The following PRKCE variants were observed in gnomAD, a reference collection of about 807,000 sequenced individuals.
The protein encoded by PRKCE is protein kinase C epsilon type.
Under a neutral mutation model 85.4 loss-of-function variants are expected in PRKCE, and 16 were observed. The ratio of observed to expected loss-of-function variants is 0.19; its 90% CI spans 0.13 to 0.28. The LOEUF (loss-of-function observed/expected upper bound fraction) is 0.28, where lower values mean the gene tolerates loss of function less well. Among genes scored for constraint, PRKCE ranks in the 10% least tolerant of loss-of-function variants. The pLI is 1.00. For missense variants in PRKCE, 573 were observed against 975.2 expected (o/e 0.59, Z 5.49); for synonymous variants, 388 against 371.5 (o/e 1.04, Z -0.51).
At chr2:45,865,517 C>T (rs1573661093) in intron 2 of PRKCE, among the ~76,000 whole-genome samples, 1 of 152,122 alleles carries the variant, frequency 6.6e-6, no homozygotes, top group South Asian at 2.1e-4. Flanking sequence ...GAATATGTCC[C>T]CTCCAAAATT....
At chr2:45,701,893 AAC>A (rs1678673025) in intron 1 of PRKCE, among the ~76,000 whole-genome samples, 1 of 152,190 alleles carries the variant, frequency 6.6e-6, no homozygotes, top group South Asian at 2.1e-4. Context: ...TCACCGTCAC[AAC>A]ACAAATACAA....
intron 14 of PRKCE, among the ~76,000 whole-genome samples, chr2:46,161,628 G>A (rs1038225449): frequency 4.6e-5 from 7 of 152,070 alleles, no homozygotes; most frequent in African/African-American, 1.7e-4. Flanking sequence ...ATCAGCAAGG[G>A]GTGTGAGGAG....
At chr2:45,955,056 A>T (rs987977968) in intron 2 of PRKCE, among the ~76,000 whole-genome samples, 1 of 152,138 alleles carries the variant, frequency 6.6e-6, no homozygotes, top group Non-Finnish European at 1.5e-5. Flanking sequence ...AGCTGAGGAA[A>T]CAATATGAAC....
At chr2:46,119,792 C>T (rs910900040) in intron 11 of PRKCE, among the ~76,000 whole-genome samples, 2 of 152,224 alleles carry the variant, frequency 1.3e-5, no homozygotes, top group African/African-American at 2.4e-5. Flanking sequence ...GAACACTCCA[C>T]CCAGTGTGTT....
In PRKCE at chr2:45,962,888, A is replaced by G. The variant is rs137873768; in HGVS notation, c.413-13541A>G. Among the ~76,000 whole-genome samples, 360 of 152,228 alleles carry G rather than the reference A, an allele frequency of 2.4e-3. 2 individuals carry two copies. Among genetic ancestry groups the G allele is most frequent in the African/African-American group, 8.4e-3 (347 of 41,552 alleles). The stretch of plus-strand genomic sequence containing the variant: ...GTTATTAAAAGCATTATTGCTTTTG[A>G]CCTTCTCATCCCTCTCTCCATGTGC... On this transcript the variant is annotated intron_variant, in intron 2 of 14. Transcript: ENST00000306156.
intron 1 of PRKCE, among the ~76,000 whole-genome samples, chr2:45,738,638 G>C (rs1682285502): frequency 6.6e-6 from 1 of 152,176 alleles, no homozygotes; most frequent in South Asian, 2.1e-4. Context: ...GAATTGTACT[G>C]AATTTGAGCA....
chr2:46,088,199 T>G (rs1260849096), intron 11 of PRKCE, among the ~76,000 whole-genome samples: 2 of 152,214 alleles, frequency 1.3e-5, no homozygotes, highest in Admixed American at 1.3e-4. Flanking sequence ...TTAGGCTGTG[T>G]CTGCTACAGC....
At chr2:46,064,523 A>G (rs1247013785) in intron 10 of PRKCE, among the ~76,000 whole-genome samples, 2 of 152,214 alleles carry the variant, frequency 1.3e-5, no homozygotes, top group African/African-American at 2.4e-5. Context: ...TGCTTAAATC[A>G]TAGCATGAGG....
intron 6 of PRKCE, among the ~76,000 whole-genome samples, chr2:45,987,835 T>G (rs1057067131): frequency 1.3e-5 from 2 of 152,218 alleles, no homozygotes; most frequent in African/African-American, 4.8e-5. Flanking sequence ...TTTCTCCTCC[T>G]TAAGGCTTCT....
chr2:45,937,961 C>T (rs7577540), intron 2 of PRKCE, among the ~76,000 whole-genome samples: 12,824 of 152,188 alleles, frequency 0.084, 1,122 homozygotes, highest in African/African-American at 0.21. Flanking sequence ...AAGGCCCATT[C>T]GCCCTCCTTG....
intron 11 of PRKCE, among the ~76,000 whole-genome samples, chr2:46,101,713 C>A (rs544149381): frequency 2.0e-5 from 3 of 152,208 alleles, no homozygotes; most frequent in South Asian, 4.2e-4. Flanking sequence ...GGAGTTTAGT[C>A]CTCCAATTCG....
intron 2 of PRKCE, among the ~76,000 whole-genome samples, chr2:45,910,736 G>GT (rs146440740): frequency 0.015 from 2,333 of 152,268 alleles, 63 homozygotes; most frequent in African/African-American, 0.053. Context: ...CGGGTCCATG[G>GT]TGAACAGGGA....
chr2:45,657,523 A>G (rs559787507), intron 1 of PRKCE, among the ~76,000 whole-genome samples: 1 of 152,294 alleles, frequency 6.6e-6, no homozygotes, highest in East Asian at 1.9e-4. Flanking sequence ...AATTATTATT[A>G]TTATAGCCCC....
At chr2:46,003,180 C>G (rs1182743077) in intron 7 of PRKCE, among the ~76,000 whole-genome samples, 1 of 152,240 alleles carries the variant, frequency 6.6e-6, no homozygotes, top group Non-Finnish European at 1.5e-5. Flanking sequence ...GAGGAGTGCC[C>G]TTGGTCTGAA....
chr2:45,857,458 C>G (rs1476701968), intron 2 of PRKCE, among the ~76,000 whole-genome samples: 2 of 152,226 alleles, frequency 1.3e-5, no homozygotes, highest in African/African-American at 2.4e-5. Flanking sequence ...CCAGCTGAGG[C>G]TAAAGCTTTG....
chr2:45,721,740 G>A (rs1324835444), intron 1 of PRKCE, among the ~76,000 whole-genome samples: 1 of 152,078 alleles, frequency 6.6e-6, no homozygotes, highest in Non-Finnish European at 1.5e-5. Context: ...AGCCAGGCAT[G>A]GAGGTGTGCA....
At position 45,748,890 on chromosome 2, in the gene PRKCE, AT is replaced by A. The variant is rs34676578; in HGVS notation, c.349-94095del. Among the ~76,000 whole-genome samples the A allele has an allele frequency of 6.2e-3, 902 of 145,312 alleles. 5 individuals are homozygous for A. The highest frequency in any genetic ancestry group is 9.3e-3 in the Non-Finnish European group (618 of 66,322). ...ACTTCAAAAACAGAGAGGGAACAGG[AT>A]TTTTTTTTTTTTTTCTCAGACTGAG... On this transcript the variant is annotated intron_variant, in intron 1 of 14. Transcript: ENST00000306156.
At chr2:46,086,539 A>G (rs1274836613) in intron 11 of PRKCE, among the ~76,000 whole-genome samples, 177 bp downstream of exon 11, 1 of 152,138 alleles carries the variant, frequency 6.6e-6, no homozygotes, top group Non-Finnish European at 1.5e-5. Context: ...TGTGAATGTT[A>G]GTATTTGAAT....
At position 45,898,080 on chromosome 2, in the gene PRKCE, C is replaced by G. The variant is rs558329135; in HGVS notation, c.412+55017C>G. On this transcript the variant is annotated intron_variant, in intron 2 of 14. Coordinates refer to ENST00000306156, the MANE Select transcript of PRKCE (RefSeq NM_005400.3). ...ACAGGCGTGGTTCCCTTTTGCAGGC[C>G]CCTCGTGATAGAGATGACTGGTAAT... Among the ~76,000 whole-genome samples, 19 of 152,246 alleles carry G rather than the reference C, an allele frequency of 1.2e-4. No individual in the cohort carries two copies. The South Asian group carries it at 3.9e-3, about 32-fold the overall frequency.
Sources: gnomAD v4.1 joint callset for allele counts (sites outside exome capture counted in the v4.1 genomes callset) on GRCh38, gnomAD v4.1.1 for gene constraint, MANE v1.5 for transcripts, NCBI Gene and HGNC (gene_info 2026-07-23, HGNC 2026-07-21) for gene names.